Variants in EML6 observed in about 807,000 individuals in gnomAD.
EML6 encodes EMAP like 6.
In EML6, 154 loss-of-function variants were observed where a neutral mutation model predicts 240.1. The observed-to-expected ratio is 0.64, with a 90% CI of 0.56 to 0.73. The LOEUF (loss-of-function observed/expected upper bound fraction) is 0.73. EML6 is among the 30% of genes least tolerant of loss of function. EML6 has a pLI of 0.00. For synonymous variants in EML6, 1,148 were observed against 899.0 expected (o/e 1.28, Z -4.95); for missense variants, 2,964 against 2,474.6 (o/e 1.20, Z -4.20).
chr2:54,937,608 A>T (rs1347145925), intron 28 of EML6, among the ~76,000 whole-genome samples: 1 of 151,340 alleles, frequency 6.6e-6, no homozygotes, highest in African/African-American at 2.4e-5. Flanking sequence ...TTTAATGCTT[A>T]AATTATATTG....
intron 15 of EML6, among the ~76,000 whole-genome samples, chr2:54,870,396 C>A (rs59252026): frequency 0.041 from 6,122 of 149,356 alleles, 413 homozygotes; most frequent in African/African-American, 0.14. Flanking sequence ...TTTGCTGGCC[C>A]TCCAACTGAA....
At chr2:54,735,666 G>C (rs1460209171) in intron 2 of EML6, among the ~76,000 whole-genome samples, 1 of 152,212 alleles carries the variant, frequency 6.6e-6, no homozygotes, top group Non-Finnish European at 1.5e-5. Flanking sequence ...TACAATGAAT[G>C]AGACATTCCT....
At chr2:54,913,453 A>G (rs1202928757) in intron 25 of EML6, among the ~76,000 whole-genome samples, 4 of 152,006 alleles carry the variant, frequency 2.6e-5, no homozygotes, top group Admixed American at 1.3e-4. Context: ...GGGTTTTGCC[A>G]TGTTGCTCAG....
chr2:54,866,925 C>T (rs1437799071), intron 14 of EML6, 41 bp downstream of exon 14: 3 of 1,221,854 alleles, frequency 2.5e-6, no homozygotes, highest in South Asian at 2.6e-5. Flanking sequence ...GTTCCTCTGT[C>T]TCTGCCTGGC....
intron 11 of EML6, among the ~76,000 whole-genome samples, chr2:54,857,195 G>A (rs1670430793): frequency 6.6e-6 from 1 of 152,180 alleles, no homozygotes; most frequent in Non-Finnish European, 1.5e-5. Flanking sequence ...GCCCGTACTG[G>A]GCATCCGGGT....
intron 11 of EML6, 68 bp from the exon 12 acceptor site, chr2:54,859,466 G>A: frequency 8.3e-7 from 1 of 1,205,688 alleles, no homozygotes; most frequent in Non-Finnish European, 1.2e-6. Flanking sequence ...TGAACAGAAG[G>A]GGGGTTGTTT....
chr2:54,928,576 T>C, intron 27 of EML6, 49 bp from the exon 28 acceptor site: 1 of 1,551,796 alleles, frequency 6.4e-7, no homozygotes, highest in Non-Finnish European at 8.7e-7. Flanking sequence ...CCTCCCTTCC[T>C]GGGCCACTGC....
chr2:54,939,288 A>G (rs962269325), intron 28 of EML6, among the ~76,000 whole-genome samples: 2 of 152,146 alleles, frequency 1.3e-5, no homozygotes, highest in Admixed American at 6.5e-5. Context: ...AGGCAATTCC[A>G]AGTAGTGGTC....
At chr2:54,843,978 G>C in intron 7 of EML6, 69 bp from the exon 8 acceptor site, 2 of 931,268 alleles carry the variant, frequency 2.1e-6, no homozygotes, top group Non-Finnish European at 3.3e-6. Flanking sequence ...GTGTGTGTGT[G>C]TGTGTGTGTG....
In EML6 at chr2:54,724,958, C is replaced by T; in HGVS notation, c.-104C>T. 1.0e-6 allele frequency: 1 copy of T among 974,844 alleles called. No individual in the cohort carries two copies. The highest frequency in any genetic ancestry group is 1.3e-6 in the Non-Finnish European group (1 of 754,290). 60.4% of individuals were successfully genotyped at this position (974,844 alleles called of 1,614,324 possible). On this transcript the variant is annotated 5_prime_UTR_variant, in exon 2 of 42. Coordinates refer to ENST00000356458, the MANE Select transcript of EML6 (RefSeq NM_001039753.4). This position sits in a 1 kb window ranked among gnomAD's most constrained non-coding sequence, Gnocchi z 5.2. ...CTGTGTGTCGCCGCGGAAATCAGCG[C>T]CCTGCGCCGCGCGCTGAGCCCCTGC...
chr2:54,831,267 C>G (rs554729964), intron 7 of EML6, among the ~76,000 whole-genome samples: 103 of 152,272 alleles, frequency 6.8e-4, no homozygotes, highest in African/African-American at 2.4e-3. Context: ...GCAGTTACTC[C>G]ATTTAACTAA....
chr2:54,760,195 GA>G (rs2103752839), intron 2 of EML6, among the ~76,000 whole-genome samples: 1 of 150,740 alleles, frequency 6.6e-6, no homozygotes, highest in South Asian at 2.1e-4. Flanking sequence ...AGTAATACAT[GA>G]ATAAGTTTTC....
In EML6 at chr2:54,774,354, A is replaced by G. The variant is rs558134385; in HGVS notation, c.198-38878A>G. On this transcript the variant is annotated intron_variant, in intron 2 of 41. Coordinates refer to ENST00000356458, the MANE Select transcript of EML6 (RefSeq NM_001039753.4). This position sits in a 1 kb window ranked among gnomAD's most constrained non-coding sequence, Gnocchi z 4.1. ...GTCAGGCCTTTATGTTCCTACATTG[A>G]TCAGTCATTAGGTACAGGCCATTAT... is the stretch of plus-strand genomic sequence containing the variant. Among the ~76,000 whole-genome samples, 1 of 152,260 alleles carries G rather than the reference A, an allele frequency of 6.6e-6. No individual in the cohort carries two copies. The highest frequency in any genetic ancestry group is 6.5e-5 in the Admixed American group (1 of 15,294).
intron 2 of EML6, among the ~76,000 whole-genome samples, chr2:54,767,920 CAGA>C (rs749833446): frequency 3.0e-4 from 46 of 152,222 alleles, no homozygotes; most frequent in South Asian, 8.3e-4. Flanking sequence ...ACATGCCAGC[CAGA>C]AGAAGTACTT....
intron 28 of EML6, among the ~76,000 whole-genome samples, chr2:54,932,438 C>A (rs1032042690): frequency 1.3e-5 from 2 of 152,190 alleles, no homozygotes; most frequent in African/African-American, 4.8e-5. Flanking sequence ...CATCCCCAGC[C>A]GACTTGACGC....
chr2:54,886,160 C>CTTTTTTTTTTTTTTTTTT (rs869107962), intron 17 of EML6, among the ~76,000 whole-genome samples: 12 of 82,216 alleles, frequency 1.5e-4, no homozygotes, highest in African/African-American at 1.7e-4. Context: ...TTTTAACCTT[C>CTTTTTTTTTTTTTTTTTT]TTTTTTTTTT....
At chr2:54,963,842 GA>G (rs1323592758) in intron 36 of EML6, 143 bp from the exon 37 acceptor site, 3 of 695,310 alleles carry the variant, frequency 4.3e-6, no homozygotes, top group African/African-American at 1.8e-5. Context: ...GTTATTCAGG[GA>G]CATTTACTCT....
At chr2:54,841,754 A>G (rs1300356161) in intron 7 of EML6, among the ~76,000 whole-genome samples, 2 of 151,760 alleles carry the variant, frequency 1.3e-5, no homozygotes, top group Non-Finnish European at 2.9e-5. Flanking sequence ...TACCATGTCC[A>G]GCTAATTTTT....
chr2:54,968,800 A>G (rs1676863987), intron 41 of EML6, 32 bp downstream of exon 41: 4 of 1,242,562 alleles, frequency 3.2e-6, no homozygotes, highest in Admixed American at 2.0e-5. Context: ...TTCTTACTCC[A>G]CAGGCCTGGC....
Sources: gnomAD v4.1 joint callset for allele counts (sites outside exome capture counted in the v4.1 genomes callset) on GRCh38, gnomAD v4.1.1 for gene constraint, Gnocchi (gnomAD v3.1) non-coding constraint, MANE v1.5 for transcripts, NCBI Gene and HGNC (gene_info 2026-07-23, HGNC 2026-07-21) for gene names.